The following HDAC9 variants were observed in gnomAD, a reference collection of about 807,000 sequenced individuals.
The protein encoded by HDAC9 is MEF-2 interacting transcription repressor (MITR) protein.
Under a neutral mutation model 139.4 loss-of-function variants are expected in HDAC9, and 41 were observed. The observed-to-expected ratio is 0.29, with a 90% CI of 0.23 to 0.38. HDAC9 has a LOEUF of 0.38. HDAC9 is among the 10% of genes least tolerant of loss of function. The pLI is 1.00. For synonymous variants in HDAC9, 517 were observed against 476.2 expected (o/e 1.09, Z -1.12); for missense variants, 1,147 against 1,297.0 (o/e 0.88, Z 1.78).
At chr7:18,720,724 C>G (rs4721723) in intron 12 of HDAC9, among the ~76,000 whole-genome samples, 18,592 of 150,380 alleles carry the variant, frequency 0.12, 1,425 homozygotes, top group East Asian at 0.42. Context: ...CTCTGTCACT[C>G]AGGCTGGAGT....
chr7:18,788,131 A>T (rs1323196699), intron 16 of HDAC9, among the ~76,000 whole-genome samples: 1 of 152,102 alleles, frequency 6.6e-6, no homozygotes, highest in African/African-American at 2.4e-5. Flanking sequence ...TCGGCAGCAG[A>T]TTAACTCCTG....
At chr7:18,240,894 A>G (rs547652831) in intron 2 of HDAC9, among the ~76,000 whole-genome samples, 1 of 152,134 alleles carries the variant, frequency 6.6e-6, no homozygotes. Flanking sequence ...AATTTGCATT[A>G]TTTGCCTCTC....
At chr7:18,438,631 ATATGC>A (rs1791444532) in intron 1 of HDAC9, among the ~76,000 whole-genome samples, 1 of 124,570 alleles carries the variant, frequency 8.0e-6, no homozygotes. Flanking sequence ...AAAGACAGTG[ATATGC>A]TGTGTGTGCG....
chr7:18,766,300 C>A (rs529197356), intron 15 of HDAC9, among the ~76,000 whole-genome samples: 28 of 152,240 alleles, frequency 1.8e-4, no homozygotes, highest in African/African-American at 6.5e-4. Context: ...GATGTAGGAG[C>A]AGTTACTACT....
chr7:18,940,502 A>G (rs1781954300), intron 23 of HDAC9, among the ~76,000 whole-genome samples: 1 of 152,142 alleles, frequency 6.6e-6, no homozygotes, highest in Non-Finnish European at 1.5e-5. Flanking sequence ...AATATTTTTG[A>G]TCTTTTTCAA....
At chr7:18,611,594 G>T (rs1004038446) in intron 6 of HDAC9, among the ~76,000 whole-genome samples, 1 of 152,102 alleles carries the variant, frequency 6.6e-6, no homozygotes, top group African/African-American at 2.4e-5. Context: ...TTTGAAGACA[G>T]CGAGTTTTGT....
At chr7:18,785,607 T>C (rs1332143933) in intron 16 of HDAC9, among the ~76,000 whole-genome samples, 1 of 152,226 alleles carries the variant, frequency 6.6e-6, no homozygotes, top group African/African-American at 2.4e-5. Flanking sequence ...GGGTAGGGTT[T>C]CAATACCGTG....
chr7:18,158,961 A>T (rs1787425052), intron 1 of HDAC9, among the ~76,000 whole-genome samples: 1 of 152,222 alleles, frequency 6.6e-6, no homozygotes, highest in Admixed American at 6.5e-5. Flanking sequence ...ACAAAATTGT[A>T]GTCAGAGATG....
At chr7:18,203,281 A>T (rs1269775862) in intron 2 of HDAC9, among the ~76,000 whole-genome samples, 1 of 152,144 alleles carries the variant, frequency 6.6e-6, no homozygotes, top group Non-Finnish European at 1.5e-5. Context: ...AAATATGAGG[A>T]TTTCAGGCAC....
intron 12 of HDAC9, among the ~76,000 whole-genome samples, chr7:18,689,833 A>G (rs1271878790): frequency 6.6e-6 from 1 of 151,984 alleles, no homozygotes; most frequent in Non-Finnish European, 1.5e-5. Context: ...GTACTTGTCA[A>G]CTGTATCTAG....
In HDAC9 at chr7:18,996,045, G is replaced by T; in HGVS notation, c.3193G>T (p.Glu1065Ter). The stretch of plus-strand genomic sequence containing the variant: ...CAGAACTGCTGGTGAGCCTATGGAA[G>T]AGGAGCCAGCCTTGTGAAGTGCCAA... ...DSRTAGEPME[E>*]EPAL is the part of the protein sequence containing the mutation. The change falls in exon 26 of 26, where the codon GAG becomes TAG. Residue 1065 changes from glutamate (E) to a stop codon, truncating the protein, a stop_gained. Coordinates refer to ENST00000686413, the MANE Select transcript of HDAC9 (RefSeq NM_178425.4). LOFTEE classifies it high-confidence loss of function. 2 of 1,605,656 alleles carry T rather than the reference G, an allele frequency of 1.2e-6. No individual in the cohort carries two copies. Among genetic ancestry groups the T allele is most frequent in the Non-Finnish European group, 1.7e-6 (2 of 1,176,106 alleles).
chr7:18,173,072 T>C (rs559013620), intron 2 of HDAC9, among the ~76,000 whole-genome samples: 1 of 152,276 alleles, frequency 6.6e-6, no homozygotes, highest in African/African-American at 2.4e-5. Context: ...CCCATTATTA[T>C]TGTGAGGGAG....
chr7:18,874,454 A>C, intron 21 of HDAC9, 24 bp from the exon 22 acceptor site: 2 of 1,467,356 alleles, frequency 1.4e-6, no homozygotes, highest in Non-Finnish European at 1.9e-6. Flanking sequence ...CCCACGTGTG[A>C]CCGGTTGCAT....
intron 1 of HDAC9, among the ~76,000 whole-genome samples, chr7:18,097,465 CT>C (rs34184774): frequency 0.036 from 5,006 of 139,814 alleles, 283 homozygotes; most frequent in African/African-American, 0.12. Flanking sequence ...ACACTTTTAC[CT>C]TTTTTTTTTT....
chr7:18,241,355 C>T (rs1356772123), intron 2 of HDAC9, among the ~76,000 whole-genome samples: 2 of 152,066 alleles, frequency 1.3e-5, no homozygotes, highest in Non-Finnish European at 2.9e-5. Context: ...TTATAGCCTT[C>T]CTTGGTGTTA....
intron 1 of HDAC9, among the ~76,000 whole-genome samples, chr7:18,387,260 A>G (rs1049300885): frequency 1.3e-5 from 2 of 152,112 alleles, no homozygotes; most frequent in South Asian, 2.1e-4. Context: ...TTCTTGTTCT[A>G]TTTATGTGTA....
chr7:18,789,286 G>GCACA (rs34385627), intron 16 of HDAC9, among the ~76,000 whole-genome samples: 37 of 148,504 alleles, frequency 2.5e-4, no homozygotes, highest in African/African-American at 6.3e-4. Flanking sequence ...ACACATACAC[G>GCACA]CACACACACA....
chr7:18,673,092 C>G (rs1435824025), intron 12 of HDAC9, among the ~76,000 whole-genome samples: 1 of 151,786 alleles, frequency 6.6e-6, no homozygotes, highest in Non-Finnish European at 1.5e-5. Context: ...AAATCCTACC[C>G]TCGTCACTCA....
chr7:18,770,329 T>C (rs1790181128), intron 16 of HDAC9, among the ~76,000 whole-genome samples: 1 of 152,148 alleles, frequency 6.6e-6, no homozygotes, highest in Admixed American at 6.6e-5. Flanking sequence ...AAAGAACATT[T>C]GACCAAATCC....
Sources: allele counts gnomAD v4.1 joint callset (sites outside exome capture counted in the v4.1 genomes callset), GRCh38; gene constraint gnomAD v4.1.1; transcripts MANE v1.5; gene names NCBI Gene and HGNC (gene_info 2026-07-23, HGNC 2026-07-21).